Variants in SEMA3A observed in about 807,000 individuals in gnomAD.
SEMA3A encodes semaphorin 3A.
SEMA3A carries 29 observed loss-of-function variants against 97.9 expected under a neutral mutation model. The ratio of observed to expected loss-of-function variants is 0.30; its 90% CI spans 0.22 to 0.40. The LOEUF is 0.40. Ranked by LOEUF, SEMA3A falls within the 10% of genes least tolerant of loss-of-function variation. The pLI is 1.00. For synonymous variants in SEMA3A, 321 were observed against 323.7 expected (o/e 0.99, Z 0.09); for missense variants, 763 against 951.3 (o/e 0.80, Z 2.60).
chr7:84,080,392 A>C (rs1469492516), intron 4 of SEMA3A, among the ~76,000 whole-genome samples: 1 of 152,034 alleles, frequency 6.6e-6, no homozygotes, highest in African/African-American at 2.4e-5. Flanking sequence ...AAAAAATAAA[A>C]AATTATACCG....
intron 3 of SEMA3A, among the ~76,000 whole-genome samples, chr7:84,274,056 T>C (rs1800223757): frequency 6.6e-6 from 1 of 152,140 alleles, no homozygotes; most frequent in African/African-American, 2.4e-5. Flanking sequence ...TTTTGGAGTT[T>C]CAAAATATTT....
At chr7:84,087,889 GC>G (rs1349896175) in intron 4 of SEMA3A, among the ~76,000 whole-genome samples, 2 of 152,002 alleles carry the variant, frequency 1.3e-5, no homozygotes, top group Non-Finnish European at 2.9e-5. Flanking sequence ...ATTCCACTTT[GC>G]CTTGCAGTTT....
chr7:84,378,404 T>C (rs1221598772), intron 1 of SEMA3A, among the ~76,000 whole-genome samples: 2 of 152,116 alleles, frequency 1.3e-5, no homozygotes, highest in Admixed American at 1.3e-4. Context: ...TTAATGTCCT[T>C]TGCAGGGACA....
At chr7:84,320,402 T>C (rs1045268416) in intron 2 of SEMA3A, among the ~76,000 whole-genome samples, 1 of 152,156 alleles carries the variant, frequency 6.6e-6, no homozygotes, top group Non-Finnish European at 1.5e-5. Context: ...CAGCAGGAAT[T>C]CCTCCAAAGA....
chr7:84,259,391 G>T (rs1342000748), intron 3 of SEMA3A, among the ~76,000 whole-genome samples: 3 of 152,018 alleles, frequency 2.0e-5, no homozygotes, highest in Non-Finnish European at 1.5e-5. Context: ...TTCATTCTGA[G>T]AACAGAAATT....
At chr7:84,476,717 T>C (rs564222654) in intron 1 of SEMA3A, among the ~76,000 whole-genome samples, 11 of 152,172 alleles carry the variant, frequency 7.2e-5, no homozygotes, top group African/African-American at 2.4e-4. Context: ...AGTAGAAAAA[T>C]ATAGTTAGAA....
intron 3 of SEMA3A, among the ~76,000 whole-genome samples, chr7:84,282,312 A>T (rs1800458431): frequency 6.6e-6 from 1 of 152,122 alleles, no homozygotes; most frequent in Middle Eastern, 3.2e-3. Context: ...AAATAATTTC[A>T]TTCTCCTTGA....
At chr7:84,391,959 C>A (rs1175151172) in intron 1 of SEMA3A, among the ~76,000 whole-genome samples, 52 of 144,080 alleles carry the variant, frequency 3.6e-4, no homozygotes, top group Non-Finnish European at 2.9e-4. Flanking sequence ...GACCCTGTCT[C>A]AAAAAAAAAA....
intron 5 of SEMA3A, among the ~76,000 whole-genome samples, chr7:84,054,345 T>A (rs1400897288): frequency 1.3e-5 from 2 of 152,088 alleles, no homozygotes; most frequent in African/African-American, 4.8e-5. Context: ...CACTTTCAGG[T>A]ACACCAATCA....
In SEMA3A at chr7:84,451,723, T is replaced by C. The variant is rs528359066; in HGVS notation, c.-246+40737A>G. On this transcript the variant is annotated intron_variant, in intron 1 of 3. Coordinates refer to the SEMA3A transcript ENST00000424555. Reference sequence around the variant, plus strand: ...AAATACGCCTTGACAAAACTTCTGTTGGAAAATCATCAGTGACTCAGTTTT... The same window carrying C: ...AAATACGCCTTGACAAAACTTCTGTCGGAAAATCATCAGTGACTCAGTTTT... Among the ~76,000 whole-genome samples the C allele has an allele frequency of 2.0e-5, 3 of 152,314 alleles. No homozygotes were observed. The South Asian group carries it at 6.2e-4, about 32-fold the overall frequency.
chr7:84,322,761 C>A (rs376811413), intron 2 of SEMA3A, among the ~76,000 whole-genome samples: 7 of 152,242 alleles, frequency 4.6e-5, no homozygotes, highest in Admixed American at 1.3e-4. Context: ...TTAAAGAAAA[C>A]ATAACTTTTT....
chr7:84,225,564 G>C (rs533730684), intron 3 of SEMA3A, among the ~76,000 whole-genome samples: 2 of 152,072 alleles, frequency 1.3e-5, no homozygotes, highest in African/African-American at 2.4e-5. Context: ...TCTTTGAAAA[G>C]TGAGGAGGCT....
At chr7:84,253,848 C>A (rs1405821867) in intron 3 of SEMA3A, among the ~76,000 whole-genome samples, 1 of 152,174 alleles carries the variant, frequency 6.6e-6, no homozygotes, top group African/African-American at 2.4e-5. Flanking sequence ...CCATTACCAA[C>A]TTTCATTGTT....
rs1795692345 is a variant in SEMA3A, at chr7:84,123,489, C to T, written c.333+5634G>A. Reference sequence around the variant, plus strand: ...TTTGAAGGTTTAGAATCTACAATACCAAAAAAGACATATTAATATGATGAT... The same window carrying T: ...TTTGAAGGTTTAGAATCTACAATACTAAAAAAGACATATTAATATGATGAT... On this transcript the variant is annotated intron_variant, in intron 3 of 16. Transcript: ENST00000265362. 2.0e-5 allele frequency among the ~76,000 whole-genome samples: 3 copies of T among 151,388 alleles called. No individual in the cohort carries two copies. The South Asian group carries it at 6.2e-4, about 31-fold the overall frequency.
At chr7:84,443,880 C>CTTTTTTTT (rs71078831) in intron 1 of SEMA3A, among the ~76,000 whole-genome samples, 7 of 92,400 alleles carry the variant, frequency 7.6e-5, no homozygotes, top group Non-Finnish European at 1.3e-4. Flanking sequence ...GTGCTTTGTC[C>CTTTTTTTT]TTTTTTTTTT....
intron 4 of SEMA3A, among the ~76,000 whole-genome samples, chr7:84,085,198 A>G (rs1794292619): frequency 6.6e-6 from 1 of 151,470 alleles, no homozygotes; most frequent in Non-Finnish European, 1.5e-5. Flanking sequence ...AAACATGAAC[A>G]TGTGTCAATA....
intron 1 of SEMA3A, among the ~76,000 whole-genome samples, chr7:84,472,141 G>A (rs547271500): frequency 2.0e-5 from 3 of 152,180 alleles, no homozygotes; most frequent in African/African-American, 7.2e-5. Flanking sequence ...GCAGGCATGT[G>A]TGAGTGTATG....
chr7:84,078,620 C>A (rs570179902), intron 4 of SEMA3A, among the ~76,000 whole-genome samples: 1 of 151,922 alleles, frequency 6.6e-6, no homozygotes, highest in East Asian at 1.9e-4. Context: ...CATGGTTGGA[C>A]AAGGAAGTTA....
chr7:84,405,540 T>C (rs961745072), intron 1 of SEMA3A, among the ~76,000 whole-genome samples: 2 of 152,068 alleles, frequency 1.3e-5, no homozygotes, highest in Non-Finnish European at 2.9e-5. Context: ...CTGCACCAAG[T>C]AGACGTAATA....
Sources: gnomAD v4.1 joint callset for allele counts (sites outside exome capture counted in the v4.1 genomes callset) on GRCh38, gnomAD v4.1.1 for gene constraint, MANE v1.5 for transcripts, NCBI Gene and HGNC (gene_info 2026-07-23, HGNC 2026-07-21) for gene names.